PHF12: variants seen among roughly 807,000 people sequenced by gnomAD.
PHF12 encodes the protein PHD finger protein 12.
PHF12 carries 6 observed loss-of-function variants against 99.8 expected under a neutral mutation model. The ratio of observed to expected loss-of-function variants is 0.06; its 90% confidence interval spans 0.03 to 0.12. PHF12 has a LOEUF of 0.12. Among genes scored for constraint, PHF12 ranks in the 10% least tolerant of loss-of-function variants. The probability of loss-of-function intolerance (pLI) is 1.00; values close to 1 mark genes in which losing one functional copy is unlikely to be tolerated. For missense variants in PHF12, 954 were observed against 1,300.1 expected (o/e 0.73, Z 4.09); for synonymous variants, 480 against 514.9 (o/e 0.93, Z 0.92).
intron 9 of PHF12, 55 bp downstream of exon 9, chr17:28,912,427 T>C (rs747453140): frequency 6.6e-7 from 1 of 1,522,636 alleles, no homozygotes; most frequent in Non-Finnish European, 8.8e-7. Flanking sequence ...GAATCTTATT[T>C]GCCAGAAAGA....
rs1024679288 is a variant in PHF12, at chr17:28,912,209, C to G, written c.2089+273G>C. 4 of 1,275,482 alleles carry G rather than the reference C, an allele frequency of 3.1e-6. No individual in the cohort carries two copies. In the African/African-American group the frequency reaches 6.1e-5, roughly 20 times the overall value. 79.0% of individuals were successfully genotyped at this position (1,275,482 alleles called of 1,614,324 possible). A position where few individuals can be genotyped will look rare whatever the true frequency, so the allele number is the denominator to read the frequency against. On this transcript the variant is annotated intron_variant, in intron 9 of 14. Transcript: ENST00000332830. ...AGGCCTGGAAGGTATGGGATGGAGT[C>G]AGGAGACCTGGGCTGTGGTTCCAAT...
chr17:28,924,173 T>C lies in PHF12; in HGVS notation c.451A>G (p.Ile151Val). Residue 151 changes from isoleucine to valine, a missense_variant, in exon 4 of 15, where the codon ATT becomes GTT. Transcript: ENST00000332830. ...RSASKTELKA[I>V]AHARILERRA... ...CTTTCCAGGATCCGGGCATGGGCAATGGCCTTTAGTTCAGTTTTGCTGGCC... is the reference window on the plus strand; with the variant it reads ...CTTTCCAGGATCCGGGCATGGGCAACGGCCTTTAGTTCAGTTTTGCTGGCC... The C allele has an allele frequency of 1.2e-6, 2 of 1,614,160 alleles. No individual in the cohort carries two copies. Among genetic ancestry groups the C allele is most frequent in the South Asian group, 1.1e-5 (1 of 91,084 alleles).
In PHF12 at chr17:28,950,757, G is replaced by A; in HGVS notation, c.66+138C>T. On this transcript the variant is annotated intron_variant, in intron 1 of 14. Transcript: ENST00000332830. The surrounding 1 kb of genome is among the most constrained non-coding windows in gnomAD (Gnocchi z 5.7). ...CTCAGCCCCCTAAATTGCAAAGAGG[G>A]GAGGGAGAGGCTAGGTGAGGAAGAA... 7.8e-7 allele frequency: 1 copy of A among 1,276,640 alleles called. No individual in the cohort carries two copies. The highest frequency in any genetic ancestry group is 1.1e-6 in the Non-Finnish European group (1 of 947,970). 79.1% of individuals were successfully genotyped at this position (1,276,640 alleles called of 1,614,324 possible).
chr17:28,940,511 A>C (rs1464131456), intron 2 of PHF12, among the ~76,000 whole-genome samples: 1 of 152,212 alleles, frequency 6.6e-6, no homozygotes, highest in Non-Finnish European at 1.5e-5. Flanking sequence ...GTAGTAGTCA[A>C]GTTCCTTCCT....
In PHF12 at chr17:28,951,378, G is replaced by A. The variant is rs900884414; in HGVS notation, c.-418C>T. The A allele has an allele frequency of 1.8e-4, 176 of 973,744 alleles. No homozygotes were observed. Among genetic ancestry groups the A allele is most frequent in the Non-Finnish European group, 2.1e-4 (173 of 817,832 alleles). The allele number at this position is 973,744 out of a possible 1,614,324, so 60.3% of individuals were successfully genotyped here. ...GTTGTGGTACGTGAGGTGACTGGGG[G>A]GAGGGTGATGGGGGGTGGTCCCCGG... On this transcript the variant is annotated 5_prime_UTR_variant, in exon 1 of 15. Coordinates refer to ENST00000332830, the MANE Select transcript of PHF12 (RefSeq NM_001033561.2).
intron 5 of PHF12, among the ~76,000 whole-genome samples, chr17:28,919,480 C>T (rs1036990655): frequency 2.6e-5 from 4 of 152,228 alleles, no homozygotes; most frequent in African/African-American, 9.6e-5. Flanking sequence ...CGCCTATAAT[C>T]CCTGCACTTT....
chr17:28,919,981 T>TA (rs1310316772), intron 5 of PHF12, among the ~76,000 whole-genome samples: 2 of 152,270 alleles, frequency 1.3e-5, no homozygotes, highest in East Asian at 3.9e-4. Flanking sequence ...CCTACTTCAT[T>TA]AAAAAAATCA....
At chr17:28,934,489 T>TA (rs2040470265) in intron 2 of PHF12, among the ~76,000 whole-genome samples, 1 of 152,204 alleles carries the variant, frequency 6.6e-6, no homozygotes, top group Non-Finnish European at 1.5e-5. Context: ...TGCATTTTGA[T>TA]AAAATACCTG....
At position 28,951,450 on chromosome 17, in the gene PHF12, A is replaced by T; in HGVS notation, c.-490T>A. On this transcript the variant is annotated 5_prime_UTR_variant, in exon 1 of 15. Transcript: ENST00000332830. ...GCCGTCTGCGTCCCGGCTGCCGCGC[A>T]CTTGGCGCAAACTTACCGCGAGCGC... 1 of 986,290 alleles carries T rather than the reference A, an allele frequency of 1.0e-6. No individual in the cohort carries two copies. The highest frequency in any genetic ancestry group is 4.7e-5 in the South Asian group (1 of 21,498). The allele number at this position is 986,290 out of a possible 1,614,324, so 61.1% of individuals were successfully genotyped here. A position where few individuals can be genotyped will look rare whatever the true frequency, so the allele number is the denominator to read the frequency against.
At chr17:28,930,325 C>T (rs540710223) in intron 2 of PHF12, among the ~76,000 whole-genome samples, 1 of 152,346 alleles carries the variant, frequency 6.6e-6, no homozygotes, top group Admixed American at 6.5e-5. Flanking sequence ...CAAACCATTA[C>T]ATGTCTGAAT....
Position 28,951,166 on chromosome 17 carries a change from C to T in PHF12, c.-206G>A. 1.4e-6 allele frequency: 2 copies of T among 1,423,056 alleles called. No homozygotes were observed. Among genetic ancestry groups the T allele is most frequent in the Non-Finnish European group, 1.8e-6 (2 of 1,092,750 alleles). The allele number at this position is 1,423,056 out of a possible 1,614,324, so 88.2% of individuals were successfully genotyped here. A position where few individuals can be genotyped will look rare whatever the true frequency, so the allele number is the denominator to read the frequency against. On this transcript the variant is annotated 5_prime_UTR_variant, in exon 1 of 15. Coordinates refer to ENST00000332830, the MANE Select transcript of PHF12 (RefSeq NM_001033561.2). Reference sequence around the variant, plus strand: ...CTCCCGACGGGCCGCGAGGGGGGAGCGGCCCCTCAGTCCCGGCCCGGCTGC... The same window carrying T: ...CTCCCGACGGGCCGCGAGGGGGGAGTGGCCCCTCAGTCCCGGCCCGGCTGC...
At position 28,951,091 on chromosome 17, in the gene PHF12, C is replaced by T. The variant is rs2040803440; in HGVS notation, c.-131G>A. ...CCCAATACGGGTCCCGACTTCCTCG[C>T]CCTGGCTCCCCCCCACCCCCCGGCC... On this transcript the variant is annotated 5_prime_UTR_variant, in exon 1 of 15. Transcript: ENST00000332830. The T allele has an allele frequency of 5.4e-6, 8 of 1,472,900 alleles. No homozygotes were observed. In the South Asian group the frequency reaches 9.3e-5, roughly 17 times the overall value. The allele number at this position is 1,472,900 out of a possible 1,614,324, so 91.2% of individuals were successfully genotyped here. A position where few individuals can be genotyped will look rare whatever the true frequency, so the allele number is the denominator to read the frequency against.
At chr17:28,942,791 C>T (rs918406093) in intron 2 of PHF12, among the ~76,000 whole-genome samples, 9 of 151,346 alleles carry the variant, frequency 5.9e-5, no homozygotes, top group Non-Finnish European at 1.0e-4. Context: ...ACTCCAGCCT[C>T]GGCGACAGAG....
intron 2 of PHF12, among the ~76,000 whole-genome samples, chr17:28,934,641 T>C (rs562743721): frequency 6.7e-5 from 10 of 150,230 alleles, no homozygotes; most frequent in Non-Finnish European, 1.2e-4. Flanking sequence ...GATGGAGTCT[T>C]GCTCTGTTGC....
At chr17:28,910,403 G>A (rs2039937759) in intron 10 of PHF12, 34 bp from the exon 11 acceptor site, 2 of 1,587,052 alleles carry the variant, frequency 1.3e-6, no homozygotes, top group South Asian at 2.3e-5. Flanking sequence ...AAAAGCAGCT[G>A]AGATGGGAAG....
chr17:28,950,159 T>A lies in PHF12; in HGVS notation c.154A>T (p.Arg52Trp). The A allele has an allele frequency of 2.5e-6, 4 of 1,613,858 alleles. No homozygotes were observed. Among genetic ancestry groups the A allele is most frequent in the Non-Finnish European group, 3.4e-6 (4 of 1,179,968 alleles). The change falls in exon 2 of 15, where the codon AGG becomes TGG. Residue 52 changes from arginine to tryptophan, a missense_variant. Physicochemically the swap from Arg to Trp is moderately radical, Grantham distance 101. Coordinates refer to ENST00000332830, the MANE Select transcript of PHF12 (RefSeq NM_001033561.2). This position sits in a 1 kb window ranked among gnomAD's most constrained non-coding sequence, Gnocchi z 5.7. ...TCGCAGCTGTCGTGGTTGGTGGCCCTGCCGCTTCTCCGGGGCTCCTTCTCA... is the reference window on the plus strand; with the variant it reads ...TCGCAGCTGTCGTGGTTGGTGGCCCAGCCGCTTCTCCGGGGCTCCTTCTCA... ...KPEKEPRRSG[R>W]ATNHDSCDSC...
rs35263191 is a variant in PHF12 at position 28,923,653 on chromosome 17, C to CAAAAAAAAAAAAAAAAAAAAAAAAAAAAA, written c.715+255_715+256insTTTTTTTTTTTTTTTTTTTTTTTTTTTTT. Among the ~76,000 whole-genome samples the CAAAAAAAAAAAAAAAAAAAAAAAAAAAAA allele has an allele frequency of 4.1e-4, 18 of 43,486 alleles. 1 individual carries two copies. Among genetic ancestry groups the CAAAAAAAAAAAAAAAAAAAAAAAAAAAAA allele is most frequent in the African/African-American group, 7.7e-4 (8 of 10,382 alleles). The allele number at this position is 43,486 out of a possible 152,430, so 28.5% of individuals were successfully genotyped here. ...AGCCTGAGTGACAAAGTGAGACTCACAAAAAAAAAAAAAAAAAAAAAAGGA... is the reference window on the plus strand; with the variant it reads ...AGCCTGAGTGACAAAGTGAGACTCACAAAAAAAAAAAAAAAAAAAAAAAAAAAAAAAAAAAAAAAAAAAAAAAAAAAGGA... On this transcript the variant is annotated intron_variant, in intron 4 of 14. Transcript: ENST00000332830.
intron 7 of PHF12, among the ~76,000 whole-genome samples, chr17:28,916,808 T>A (rs1460471186): frequency 6.6e-6 from 1 of 152,264 alleles, no homozygotes; most frequent in Non-Finnish European, 1.5e-5. Flanking sequence ...GCATTGGTGA[T>A]ATATTAACAG....
At chr17:28,945,840 A>G (rs1305009645) in intron 2 of PHF12, among the ~76,000 whole-genome samples, 1 of 152,198 alleles carries the variant, frequency 6.6e-6, no homozygotes, top group Non-Finnish European at 1.5e-5. Flanking sequence ...ACTTAAAAAC[A>G]TATCTCCCTC....
Sources: gnomAD v4.1 joint callset for allele counts (sites outside exome capture counted in the v4.1 genomes callset) on GRCh38, gnomAD v4.1.1 for gene constraint, Gnocchi (gnomAD v3.1) non-coding constraint, MANE v1.5 for transcripts, NCBI Gene and HGNC (gene_info 2026-07-23, HGNC 2026-07-21) for gene names.